Variants in ATP10B observed in about 807,000 individuals in gnomAD.
ATP10B encodes the protein ATPase phospholipid transporting 10B (putative), also known as phospholipid-transporting ATPase VB.
ATP10B carries 122 observed loss-of-function variants against 141.2 expected under a neutral mutation model. The ratio of observed to expected loss-of-function variants is 0.86; its 90% CI spans 0.75 to 1.00. ATP10B has a LOEUF of 1.00. Among genes scored for constraint, ATP10B ranks in the 50% least tolerant of loss-of-function variants. The probability of loss-of-function intolerance (pLI) is 0.00; values close to 1 mark genes in which losing one functional copy is unlikely to be tolerated. For missense variants in ATP10B, 1,876 were observed against 1,825.3 expected (o/e 1.03, Z -0.51); for synonymous variants, 685 against 692.0 (o/e 0.99, Z 0.16).
chr5:160,831,681 A>T (rs1049372064), intron 1 of ATP10B, among the ~76,000 whole-genome samples: 1 of 152,138 alleles, frequency 6.6e-6, no homozygotes, highest in Admixed American at 6.6e-5. Flanking sequence ...GGAATAGCAG[A>T]TAAGAAGAAA....
chr5:160,630,394 G>C (rs1215529619), intron 13 of ATP10B, among the ~76,000 whole-genome samples: 1 of 152,200 alleles, frequency 6.6e-6, no homozygotes, highest in Non-Finnish European at 1.5e-5. Context: ...CTGGGCTGCT[G>C]AGACTTGTCA....
At chr5:160,853,087 C>T (rs1266454709), upstream of ATP10B, among the ~76,000 whole-genome samples, 1 of 152,108 alleles carries the variant, frequency 6.6e-6, no homozygotes, top group East Asian at 1.9e-4. Flanking sequence ...AAACATTTTA[C>T]AAGAGAAGAA....
At chr5:160,737,389 G>A (rs1767196961) in intron 2 of ATP10B, among the ~76,000 whole-genome samples, 1 of 152,114 alleles carries the variant, frequency 6.6e-6, no homozygotes. Flanking sequence ...ACACAGTCCT[G>A]GAAGTCCTAG....
the ATP10B span, among the ~76,000 whole-genome samples, chr5:160,915,302 G>A: frequency 2.0e-5 from 3 of 151,768 alleles, no homozygotes; most frequent in African/African-American, 7.3e-5. Flanking sequence ...TTCTCCCCAC[G>A]CTTTCTCCCT....
At chr5:160,683,307 T>TC (rs1343127369) in intron 6 of ATP10B, among the ~76,000 whole-genome samples, 1 of 152,148 alleles carries the variant, frequency 6.6e-6, no homozygotes, top group African/African-American at 2.4e-5. Context: ...ACTGTGTCCC[T>TC]CCAAGCAAAG....
chr5:160,751,197 C>T (rs891938092), intron 2 of ATP10B, among the ~76,000 whole-genome samples: 7 of 152,168 alleles, frequency 4.6e-5, no homozygotes, highest in Non-Finnish European at 8.8e-5. Flanking sequence ...GCTTTCCTTT[C>T]CTCCTCTCTC....
intron 1 of ATP10B, among the ~76,000 whole-genome samples, chr5:160,814,953 C>A (rs1773490876): frequency 6.6e-6 from 1 of 152,106 alleles, no homozygotes; most frequent in Admixed American, 6.5e-5. Flanking sequence ...TTTGTCACCG[C>A]CAGGCCTGCC....
chr5:160,665,670 A>G (rs1762279710), intron 7 of ATP10B, among the ~76,000 whole-genome samples: 2 of 152,248 alleles, frequency 1.3e-5, no homozygotes, highest in African/African-American at 4.8e-5. Flanking sequence ...ACAAGTGCTT[A>G]GCAGACTGTG....
intron 15 of ATP10B, among the ~76,000 whole-genome samples, chr5:160,618,365 A>C (rs1162982590): frequency 6.6e-6 from 1 of 152,200 alleles, no homozygotes; most frequent in East Asian, 1.9e-4. Flanking sequence ...TTGTTACCTA[A>C]GGTGTTTTTA....
chr5:160,865,018 A>G, the ATP10B span, among the ~76,000 whole-genome samples: 3 of 152,112 alleles, frequency 2.0e-5, no homozygotes, highest in African/African-American at 7.2e-5. Flanking sequence ...CTACACATTC[A>G]ATGCAATTCC....
At chr5:160,610,044 C>A (rs1412643225) in intron 18 of ATP10B, among the ~76,000 whole-genome samples, 1 of 152,146 alleles carries the variant, frequency 6.6e-6, no homozygotes, top group Non-Finnish European at 1.5e-5. Flanking sequence ...GTGGTAGGAA[C>A]CTCTAATATG....
chr5:160,685,666 T>C (rs898205055), intron 6 of ATP10B, among the ~76,000 whole-genome samples: 1 of 152,268 alleles, frequency 6.6e-6, no homozygotes, highest in African/African-American at 2.4e-5. Flanking sequence ...CCAGCCATCC[T>C]AGAGTTTAAT....
At chr5:160,581,101 G>A (rs1198649730) in intron 24 of ATP10B, among the ~76,000 whole-genome samples, 2 of 152,126 alleles carry the variant, frequency 1.3e-5, no homozygotes, top group Non-Finnish European at 2.9e-5. Context: ...CTAGTTCCTG[G>A]ATTCATTGAT....
upstream of ATP10B, among the ~76,000 whole-genome samples, chr5:160,856,446 C>G (rs1754001023): frequency 6.6e-6 from 1 of 151,782 alleles, no homozygotes; most frequent in Admixed American, 6.6e-5. Flanking sequence ...ATGTCACCTG[C>G]AAATAGAAAC....
At chr5:160,624,218 C>A (rs1758497457) in intron 13 of ATP10B, among the ~76,000 whole-genome samples, 1 of 152,046 alleles carries the variant, frequency 6.6e-6, no homozygotes. Context: ...AACAAAAAAC[C>A]CATGGGAAAA....
chr5:160,784,255 A>C (rs1204677211), intron 2 of ATP10B, among the ~76,000 whole-genome samples: 1 of 152,174 alleles, frequency 6.6e-6, no homozygotes, highest in African/African-American at 2.4e-5. Context: ...TTTTGGCTGC[A>C]CAAAGCAATT....
intron 1 of ATP10B, among the ~76,000 whole-genome samples, chr5:160,806,124 C>T (rs565492246): frequency 6.6e-6 from 1 of 152,240 alleles, no homozygotes. Flanking sequence ...GGACAGCCAT[C>T]TGCTTTACTC....
intron 7 of ATP10B, among the ~76,000 whole-genome samples, chr5:160,654,282 C>A (rs1262187979): frequency 6.6e-6 from 1 of 151,772 alleles, no homozygotes; most frequent in East Asian, 1.9e-4. Context: ...TTATTTTAAC[C>A]TTGTTCAGGA....
At chr5:160,889,911 AC>A in the ATP10B span, among the ~76,000 whole-genome samples, 1 of 151,852 alleles carries the variant, frequency 6.6e-6, no homozygotes, top group Non-Finnish European at 1.5e-5. Context: ...CACACCTCCT[AC>A]CCTGAGGCCT....
Sources: gnomAD v4.1 joint callset for allele counts (sites outside exome capture counted in the v4.1 genomes callset) on GRCh38, gnomAD v4.1.1 for gene constraint, MANE v1.5 for transcripts, NCBI Gene and HGNC (gene_info 2026-07-23, HGNC 2026-07-21) for gene names.